DACH2: variants seen among roughly 807,000 people sequenced by gnomAD.
DACH2 encodes dachshund homolog 2.
DACH2 carries 17 observed loss-of-function variants against 35.8 expected under a neutral mutation model. The observed-to-expected ratio is 0.48, with a 90% confidence interval of 0.33 to 0.71. The LOEUF (loss-of-function observed/expected upper bound fraction) is 0.71. DACH2 is among the 30% of genes least tolerant of loss of function. The probability of loss-of-function intolerance (pLI) is 0.02; values close to 1 mark genes in which losing one functional copy is unlikely to be tolerated. For missense variants in DACH2, 469 were observed against 472.7 expected, an observed-to-expected ratio of 0.99 and a Z score of 0.07; for synonymous variants, 195 against 177.3, an observed-to-expected ratio of 1.10 and a Z score of -0.79.
At chrX:86,416,370 A>G (rs1255743235) in intron 2 of DACH2, among the ~76,000 whole-genome samples, 1 of 111,789 alleles carries the variant, frequency 8.9e-6, no homozygotes, top group Non-Finnish European at 1.9e-5. Flanking sequence ...TATTGCATAG[A>G]TGTCTATATT....
In DACH2 at chrX:86,734,231, G is replaced by A. The variant is rs184851513; in HGVS notation, c.1105-5516G>A. ...ACACCACATAGGTCACACAAAGGGTGTGTGTATTATTTTGGACTCTCGTGC... is the reference window on the plus strand; with the variant it reads ...ACACCACATAGGTCACACAAAGGGTATGTGTATTATTTTGGACTCTCGTGC... On this transcript the variant is annotated intron_variant, in intron 6 of 11. Coordinates refer to ENST00000373125, the MANE Select transcript of DACH2 (RefSeq NM_053281.3). Among the ~76,000 whole-genome samples the A allele has an allele frequency of 4.6e-3, 509 of 111,053 alleles. 3 individuals carry two copies. Among genetic ancestry groups the A allele is most frequent in the African/African-American group, 0.016 (483 of 30,638 alleles).
At chrX:86,201,696 G>T (rs1185182012) in intron 1 of DACH2, among the ~76,000 whole-genome samples, 1 of 111,253 alleles carries the variant, frequency 9.0e-6, no homozygotes, top group Non-Finnish European at 1.9e-5. Flanking sequence ...GTAGAATTCA[G>T]CTTTACTAGA....
chrX:86,402,305 G>A (rs1023009524), intron 2 of DACH2, among the ~76,000 whole-genome samples: 1 of 111,606 alleles, frequency 9.0e-6, no homozygotes, highest in Non-Finnish European at 1.9e-5. Context: ...CTGCTAAAAG[G>A]CTCCTAGAAC....
intron 3 of DACH2, among the ~76,000 whole-genome samples, chrX:86,543,986 A>G (rs902385858): frequency 9.0e-6 from 1 of 111,196 alleles, no homozygotes; most frequent in Non-Finnish European, 1.9e-5. Context: ...AAAGTATAAT[A>G]ATAATAAAAA....
chrX:86,591,541 A>ATTTTTTTTTTTTTTTTTTTTTTTTT (rs566345938), intron 3 of DACH2, among the ~76,000 whole-genome samples: 1 of 93,245 alleles, frequency 1.1e-5, no homozygotes, highest in Non-Finnish European at 2.1e-5. Flanking sequence ...TTCTTTGGCT[A>ATTTTTTTTTTTTTTTTTTTTTTTTT]TTTTTTTTTT....
chrX:86,400,283 T>A (rs1392645610), intron 2 of DACH2, among the ~76,000 whole-genome samples: 1 of 111,304 alleles, frequency 9.0e-6, no homozygotes, highest in Non-Finnish European at 1.9e-5. Context: ...TCCATTCGTC[T>A]AGTTTTTTTT....
chrX:86,188,195 C>T (rs1056041990), intron 1 of DACH2, among the ~76,000 whole-genome samples: 3 of 112,090 alleles, frequency 2.7e-5, no homozygotes, highest in African/African-American at 9.7e-5. Flanking sequence ...ATGTAACTGG[C>T]AGGAGTCTCT....
intron 3 of DACH2, among the ~76,000 whole-genome samples, chrX:86,573,043 A>G (rs751541050): frequency 2.8e-4 from 31 of 111,188 alleles, no homozygotes; most frequent in Non-Finnish European, 5.1e-4. Context: ...GGCTTGGAGC[A>G]TTTATCTCTG....
At chrX:86,646,138 C>T (rs1313290539) in intron 3 of DACH2, among the ~76,000 whole-genome samples, 1 of 111,561 alleles carries the variant, frequency 9.0e-6, no homozygotes, top group African/African-American at 3.2e-5. Flanking sequence ...ATGTCTTTTG[C>T]AGCAACATGC....
intron 1 of DACH2, among the ~76,000 whole-genome samples, chrX:86,376,048 A>G (rs2035961500): frequency 9.1e-6 from 1 of 109,835 alleles, no homozygotes; most frequent in Non-Finnish European, 1.9e-5. Context: ...GGAAAGAATT[A>G]TTATTTTGTT....
At chrX:86,553,272 A>C (rs1016890181) in intron 3 of DACH2, among the ~76,000 whole-genome samples, 4 of 111,613 alleles carry the variant, frequency 3.6e-5, no homozygotes, top group African/African-American at 1.3e-4. Context: ...GTTGAAGGGC[A>C]GGAAGCAACC....
intron 3 of DACH2, among the ~76,000 whole-genome samples, chrX:86,540,680 G>T (rs1197846176): frequency 9.0e-6 from 1 of 111,421 alleles, no homozygotes; most frequent in Non-Finnish European, 1.9e-5. Flanking sequence ...TTTGTAGAGT[G>T]CAGCTGGTAC....
chrX:86,286,579 T>G (rs1020577269), intron 1 of DACH2, among the ~76,000 whole-genome samples: 17 of 111,532 alleles, frequency 1.5e-4, no homozygotes, highest in African/African-American at 5.5e-4. Context: ...TTTCCTCTGG[T>G]GATACTGTTT....
Position 86,411,849 on chromosome X carries a change from C to T in DACH2, c.527+34987C>T, listed in dbSNP as rs149294644. Among the ~76,000 whole-genome samples, 486 of 111,227 alleles carry T rather than the reference C, an allele frequency of 4.4e-3. 1 individual carries two copies. Among genetic ancestry groups the T allele is most frequent in the African/African-American group, 0.015 (449 of 30,641 alleles). On this transcript the variant is annotated intron_variant, in intron 2 of 11. Coordinates refer to ENST00000373125, the MANE Select transcript of DACH2 (RefSeq NM_053281.3). ...TTCCCTTAGCCTTCAGCAAGCACCT[C>T]AGCAGGTTGTGTTTTTTTTCCCTGG...
chrX:86,181,946 C>CT (rs1303031290), intron 1 of DACH2, among the ~76,000 whole-genome samples: 1 of 112,189 alleles, frequency 8.9e-6, no homozygotes, highest in East Asian at 2.8e-4. Context: ...TGATGATGAG[C>CT]TTTTTTTCAT....
chrX:86,409,426 T>C (rs2036575908), intron 2 of DACH2, among the ~76,000 whole-genome samples: 1 of 111,466 alleles, frequency 9.0e-6, no homozygotes, highest in Non-Finnish European at 1.9e-5. Context: ...TAGGAAGTGA[T>C]TGGATCATGG....
chrX:86,454,874 G>A (rs1184949561), intron 2 of DACH2, among the ~76,000 whole-genome samples: 2 of 111,973 alleles, frequency 1.8e-5, no homozygotes, highest in African/African-American at 3.2e-5. Flanking sequence ...TGAATTTTCA[G>A]CATTTTTGTG....
At chrX:86,650,957 C>G in intron 3 of DACH2, 79 bp from the exon 4 acceptor site, 1 of 943,611 alleles carries the variant, frequency 1.1e-6, no homozygotes, top group South Asian at 2.6e-5. Context: ...AAAGCCTGCA[C>G]TTGTACCCCC....
At chrX:86,386,984 AT>A (rs913016735) in intron 2 of DACH2, among the ~76,000 whole-genome samples, 29 of 111,571 alleles carry the variant, frequency 2.6e-4, no homozygotes, top group Non-Finnish European at 1.3e-4. Context: ...CTCTCACCAT[AT>A]GAATTTGCCC....
Sources: gnomAD v4.1 joint callset for allele counts (sites outside exome capture counted in the v4.1 genomes callset) on GRCh38, gnomAD v4.1.1 for gene constraint, MANE v1.5 for transcripts, NCBI Gene and HGNC (gene_info 2026-07-23, HGNC 2026-07-21) for gene names.